SNTG1: variants seen among roughly 807,000 people sequenced by gnomAD.
The protein encoded by SNTG1 is gamma-1-syntrophin.
SNTG1 carries 39 observed loss-of-function variants against 74.7 expected under a neutral mutation model. The observed-to-expected ratio is 0.52, with a 90% confidence interval of 0.40 to 0.68. SNTG1 has a LOEUF of 0.68. Among genes scored for constraint, SNTG1 ranks in the 30% least tolerant of loss-of-function variants. The pLI is 0.00. For synonymous variants in SNTG1, 254 were observed against 217.1 expected (o/e 1.17, Z -1.49); for missense variants, 685 against 609.5 (o/e 1.12, Z -1.30).
chr8:50,032,125 T>C (rs1470339395), intron 1 of SNTG1, among the ~76,000 whole-genome samples: 1 of 152,154 alleles, frequency 6.6e-6, no homozygotes, highest in African/African-American at 2.4e-5. Context: ...ATGGTGACTG[T>C]AGTGATGTTC....
chr8:50,423,116 A>C (rs1294104877), intron 4 of SNTG1, among the ~76,000 whole-genome samples: 2 of 152,214 alleles, frequency 1.3e-5, no homozygotes, highest in African/African-American at 4.8e-5. Flanking sequence ...AAAATGAGTA[A>C]ATATCAATAT....
intron 13 of SNTG1, among the ~76,000 whole-genome samples, chr8:50,650,010 G>C (rs1012440438): frequency 1.3e-5 from 2 of 151,086 alleles, no homozygotes; most frequent in Non-Finnish European, 2.9e-5. Context: ...AGCACATTGA[G>C]TAAAAGTAGA....
At chr8:49,987,240 G>A (rs541132926) in intron 1 of SNTG1, among the ~76,000 whole-genome samples, 10 of 152,170 alleles carry the variant, frequency 6.6e-5, no homozygotes, top group African/African-American at 2.4e-4. Context: ...AAAATCATAG[G>A]ATGCCTGAAA....
chr8:49,934,945 A>G (rs1015952530), intron 1 of SNTG1, among the ~76,000 whole-genome samples: 15 of 152,248 alleles, frequency 9.9e-5, no homozygotes, highest in Non-Finnish European at 2.1e-4. Flanking sequence ...AATGTTAAAC[A>G]TATTTTCAAA....
chr8:50,686,429 A>G (rs2095352735), intron 15 of SNTG1, among the ~76,000 whole-genome samples: 2 of 152,208 alleles, frequency 1.3e-5, no homozygotes, highest in African/African-American at 4.8e-5. Context: ...AGATTAAACT[A>G]GAGACAGTAT....
chr8:50,362,512 T>C (rs747035588), intron 2 of SNTG1, among the ~76,000 whole-genome samples: 1 of 151,546 alleles, frequency 6.6e-6, no homozygotes. Context: ...ATTATAAAGA[T>C]AGTCTTTTTT....
Position 50,188,801 on chromosome 8 carries a change from G to A in SNTG1, c.-28+16166G>A, listed in dbSNP as rs559463044. Among the ~76,000 whole-genome samples the A allele has an allele frequency of 7.9e-5, 12 of 152,144 alleles. No homozygotes were observed. The South Asian group carries it at 2.5e-3, about 32-fold the overall frequency. On this transcript the variant is annotated intron_variant, in intron 2 of 18. Transcript: ENST00000642720. The stretch of plus-strand genomic sequence containing the variant: ...TCTGTTTCTCAAAAGCAGAGTAGAC[G>A]TTCACTGAGGATAGTAAGGCCTTGA...
intron 2 of SNTG1, among the ~76,000 whole-genome samples, chr8:50,245,089 A>G (rs2086335523): frequency 6.6e-6 from 1 of 152,176 alleles, no homozygotes; most frequent in Non-Finnish European, 1.5e-5. Context: ...TCTAGGAATC[A>G]TCTCAGTGCA....
At chr8:50,664,759 C>A (rs1017476093) in intron 15 of SNTG1, among the ~76,000 whole-genome samples, 1 of 152,050 alleles carries the variant, frequency 6.6e-6, no homozygotes. Flanking sequence ...GAAGATCGGA[C>A]GTAACTGCAT....
At chr8:50,563,464 A>G (rs539383675) in intron 12 of SNTG1, among the ~76,000 whole-genome samples, 4 of 152,284 alleles carry the variant, frequency 2.6e-5, no homozygotes, top group Admixed American at 6.5e-5. Context: ...TGCTGTGGTC[A>G]TGAGGAAACA....
intron 1 of SNTG1, among the ~76,000 whole-genome samples, chr8:50,133,799 C>G (rs2081387620): frequency 6.6e-6 from 1 of 152,160 alleles, no homozygotes; most frequent in Admixed American, 6.6e-5. Flanking sequence ...TTATTTTAAC[C>G]ATTTATACCT....
chr8:50,573,978 G>A (rs1158620255), intron 12 of SNTG1, among the ~76,000 whole-genome samples: 1 of 151,856 alleles, frequency 6.6e-6, no homozygotes, highest in South Asian at 2.1e-4. Flanking sequence ...AATAAAATAG[G>A]ATGATCTTAA....
intron 13 of SNTG1, among the ~76,000 whole-genome samples, chr8:50,655,962 G>A (rs960580375): frequency 6.6e-6 from 1 of 152,104 alleles, no homozygotes; most frequent in South Asian, 2.1e-4. Context: ...AGTTTTTCAT[G>A]ATAATGGCAA....
chr8:50,368,691 A>G (rs929798841), intron 2 of SNTG1, among the ~76,000 whole-genome samples: 1 of 152,160 alleles, frequency 6.6e-6, no homozygotes, highest in Non-Finnish European at 1.5e-5. Context: ...GTCTGGTCCT[A>G]TAGAATCCAT....
chr8:50,608,268 A>G (rs1020758436), intron 13 of SNTG1, among the ~76,000 whole-genome samples: 1 of 151,698 alleles, frequency 6.6e-6, no homozygotes, highest in Admixed American at 6.6e-5. Context: ...CTATTCAGTT[A>G]GTTTTTCTAT....
At chr8:50,780,291 C>A (rs2131827092) in intron 18 of SNTG1, among the ~76,000 whole-genome samples, 1 of 152,202 alleles carries the variant, frequency 6.6e-6, no homozygotes, top group Admixed American at 6.5e-5. Context: ...CCAGTTCCTC[C>A]TTGTACCTCT....
chr8:50,138,286 T>C (rs2081541557), intron 1 of SNTG1, among the ~76,000 whole-genome samples: 1 of 151,802 alleles, frequency 6.6e-6, no homozygotes, highest in Admixed American at 6.6e-5. Flanking sequence ...ATTGAAATAA[T>C]TCAGCATGAT....
At chr8:50,513,236 TG>T (rs770124523) in intron 9 of SNTG1, among the ~76,000 whole-genome samples, 2 of 152,160 alleles carry the variant, frequency 1.3e-5, no homozygotes, top group African/African-American at 2.4e-5. Flanking sequence ...CAGCGGATAT[TG>T]GTGAGCAGCA....
chr8:50,487,529 T>TC (rs1234550702), intron 8 of SNTG1, among the ~76,000 whole-genome samples: 2 of 152,134 alleles, frequency 1.3e-5, no homozygotes, highest in Admixed American at 1.3e-4. Flanking sequence ...TGAGTTCATG[T>TC]CTTTGGAGGG....
Sources: gnomAD v4.1 joint callset for allele counts (sites outside exome capture counted in the v4.1 genomes callset) on GRCh38, gnomAD v4.1.1 for gene constraint, MANE v1.5 for transcripts, NCBI Gene and HGNC (gene_info 2026-07-23, HGNC 2026-07-21) for gene names.